Variants in FRMPD2 observed in about 807,000 individuals in gnomAD.
The protein encoded by FRMPD2 is FERM and PDZ domain-containing protein 2.
In FRMPD2, 96 loss-of-function variants were observed where a neutral mutation model predicts 140.1. The ratio of observed to expected loss-of-function variants is 0.69; its 90% CI spans 0.58 to 0.81. The LOEUF is 0.81. Ranked by LOEUF, FRMPD2 falls within the 40% of genes least tolerant of loss-of-function variation. FRMPD2 has a pLI of 0.00. For missense variants in FRMPD2, 1,240 were observed against 1,447.4 expected (o/e 0.86, Z 2.32); for synonymous variants, 449 against 547.6 (o/e 0.82, Z 2.52).
chr10:48,244,709 C>T, intron 4 of FRMPD2, 75 bp downstream of exon 4: 1 of 1,125,422 alleles, frequency 8.9e-7, no homozygotes, highest in South Asian at 1.2e-5. Context: ...TAAATGTGGT[C>T]CCTGCCCAGG....
chr10:48,197,291 T>C (rs756704408), intron 15 of FRMPD2, among the ~76,000 whole-genome samples: 3 of 152,080 alleles, frequency 2.0e-5, no homozygotes, highest in Non-Finnish European at 4.4e-5. Context: ...CCATTACTAC[T>C]CTCACACTGA....
chr10:48,183,614 G>T (rs1838601489), intron 20 of FRMPD2, among the ~76,000 whole-genome samples: 1 of 152,068 alleles, frequency 6.6e-6, no homozygotes, highest in Non-Finnish European at 1.5e-5. Flanking sequence ...ACTTTGGGAG[G>T]CTGAGGCGGG....
At chr10:48,200,474 C>A (rs2131861463) in intron 15 of FRMPD2, among the ~76,000 whole-genome samples, 1 of 152,326 alleles carries the variant, frequency 6.6e-6, no homozygotes, top group African/African-American at 2.4e-5. Flanking sequence ...AAGCCAAACC[C>A]TCTCTTTGTT....
In FRMPD2 at chr10:48,192,860, A is replaced by AT; in HGVS notation, c.1988_1989insA (p.Ser663ArgfsTer9). The AT allele has an allele frequency of 6.2e-7, 1 of 1,614,030 alleles. No individual in the cohort carries two copies. The highest frequency in any genetic ancestry group is 8.5e-7 in the Non-Finnish European group (1 of 1,180,008). On this transcript the variant is annotated frameshift_variant, in exon 16 of 29. Transcript: ENST00000374201. LOFTEE classifies it high-confidence loss of function. ...GCTTAGACCGGGCCTGGTGTGCAGG[A>AT]CTCAAATTGGCCATTTGCACAAACT...
At chr10:48,198,773 C>A (rs572444101) in intron 15 of FRMPD2, among the ~76,000 whole-genome samples, 2 of 152,198 alleles carry the variant, frequency 1.3e-5, no homozygotes, top group East Asian at 3.9e-4. Flanking sequence ...TTTTGTAGTT[C>A]TCTTTGTAGA....
In FRMPD2 at chr10:48,187,202, G is replaced by T. The variant is rs772165206; in HGVS notation, c.2256C>A (p.Ser752Arg). 6.2e-7 allele frequency: 1 copy of T among 1,612,614 alleles called. No homozygotes were observed. Among genetic ancestry groups the T allele is most frequent in the Non-Finnish European group, 8.5e-7 (1 of 1,178,690 alleles). The change falls in exon 17 of 29, where the codon AGC becomes AGA. Residue 752 changes from serine (S) to arginine (R), a missense_variant. Ser to Arg is a moderately radical substitution (Grantham distance 110, BLOSUM62 -1). This residue lies in a region of FRMPD2 where 1,161 missense variants were observed against 1,055.9 expected (regional missense o/e 1.10). Transcript: ENST00000374201. ...TGGCCTGGCCCATACCTGCATGCAT[G>T]CTCTGAACAGGTGGTCCAGAGAGAG... ...WDSLSGPPVQSMHAGSKNNRR... is the reference protein window; with the variant it reads ...WDSLSGPPVQRMHAGSKNNRR...
chr10:48,186,700 G>A (rs1235328794), intron 17 of FRMPD2, among the ~76,000 whole-genome samples: 1 of 152,118 alleles, frequency 6.6e-6, no homozygotes, highest in African/African-American at 2.4e-5. Flanking sequence ...GCGTGAAAAC[G>A]CACTAATACA....
chr10:48,213,339 G>A (rs1039122305), intron 12 of FRMPD2, among the ~76,000 whole-genome samples: 2 of 152,236 alleles, frequency 1.3e-5, no homozygotes, highest in African/African-American at 4.8e-5. Context: ...CCATGCTGGT[G>A]AGGATGTGGA....
chr10:48,228,717 CAA>C (rs1440939134), intron 10 of FRMPD2, among the ~76,000 whole-genome samples: 18 of 152,018 alleles, frequency 1.2e-4, no homozygotes, highest in African/African-American at 4.3e-4. Context: ...ATTCTGTACA[CAA>C]AGTGTACAAA....
At chr10:48,199,020 A>G (rs766590263) in intron 15 of FRMPD2, among the ~76,000 whole-genome samples, 1 of 152,224 alleles carries the variant, frequency 6.6e-6, no homozygotes, top group Non-Finnish European at 1.5e-5. Flanking sequence ...GTTCTTCCTT[A>G]TAAGCAGGAG....
At chr10:48,260,688 C>T (rs996159677) in intron 1 of FRMPD2, among the ~76,000 whole-genome samples, 1 of 152,162 alleles carries the variant, frequency 6.6e-6, no homozygotes, top group African/African-American at 2.4e-5. Context: ...CACTAAAGGT[C>T]TGTTTATCTC....
intron 2 of FRMPD2, among the ~76,000 whole-genome samples, chr10:48,250,153 T>G (rs572729870): frequency 6.6e-6 from 1 of 152,188 alleles, no homozygotes; most frequent in Non-Finnish European, 1.5e-5. Context: ...ACCTACACCC[T>G]AAAGGGTCGC....
Position 48,192,861 on chromosome 10 carries a change from C to T in FRMPD2, c.1988G>A (p.Ser663Asn). 1 of 1,614,038 alleles carries T rather than the reference C, an allele frequency of 6.2e-7. No homozygotes were observed. The highest frequency in any genetic ancestry group is 8.5e-7 in the Non-Finnish European group (1 of 1,180,008). ...HDKFVQMANL[S>N]PAHQARSKPL... ...CTTAGACCGGGCCTGGTGTGCAGGA[C>T]TCAAATTGGCCATTTGCACAAACTT... The change falls in exon 16 of 29, where the codon AGT (serine) becomes AAT (asparagine). Residue 663 changes from serine (S) to asparagine (N), a missense_variant. Ser to Asn is a conservative substitution (Grantham distance 46). This residue lies in a region of FRMPD2 where 1,161 missense variants were observed against 1,055.9 expected (regional missense o/e 1.10). Transcript: ENST00000374201.
chr10:48,223,732 C>T (rs1839662269), intron 10 of FRMPD2, among the ~76,000 whole-genome samples: 1 of 152,166 alleles, frequency 6.6e-6, no homozygotes, highest in Admixed American at 6.5e-5. Context: ...CCCTAACACC[C>T]AATCTGATGG....
intron 24 of FRMPD2, among the ~76,000 whole-genome samples, chr10:48,174,481 C>G (rs1314624114): frequency 6.6e-6 from 1 of 152,052 alleles, no homozygotes; most frequent in Non-Finnish European, 1.5e-5. Flanking sequence ...GTGGGGTCAT[C>G]CTATGCAAAC....
intron 13 of FRMPD2, among the ~76,000 whole-genome samples, chr10:48,209,511 T>C (rs185825295): frequency 5.3e-5 from 8 of 152,324 alleles, no homozygotes; most frequent in Middle Eastern, 3.4e-3. Context: ...CTCCCAATAA[T>C]GGTCTTCTCC....
At position 48,236,476 on chromosome 10, in the gene FRMPD2, A is replaced by G. The variant is rs771707630; in HGVS notation, c.993+6T>C. On this transcript the variant is annotated splice_donor_region_variant and intron_variant, in intron 9 of 28. Transcript: ENST00000374201. ...CCATCCCTGCCCAGTCTAGCCCAGT[A>G]GTTACCACAACCGATCCCGGCAGAT... 5.4e-5 allele frequency: 87 copies of G among 1,613,800 alleles called. No homozygotes were observed. The highest frequency in any genetic ancestry group is 7.0e-5 in the Non-Finnish European group (83 of 1,179,802).
chr10:48,256,851 T>C (rs865997838), intron 1 of FRMPD2, among the ~76,000 whole-genome samples: 24 of 152,340 alleles, frequency 1.6e-4, no homozygotes, highest in Admixed American at 3.3e-4. Context: ...CCTCTCATGG[T>C]CCCTGAAATG....
At chr10:48,191,269 C>T (rs1382283152) in intron 16 of FRMPD2, among the ~76,000 whole-genome samples, 1 of 152,172 alleles carries the variant, frequency 6.6e-6, no homozygotes, top group Non-Finnish European at 1.5e-5. Flanking sequence ...AGGAAGCAGC[C>T]TGTGAACAAA....
Sources: gnomAD v4.1 joint callset for allele counts (sites outside exome capture counted in the v4.1 genomes callset) on GRCh38, gnomAD v4.1.1 for gene constraint, gnomAD v4.1.1 regional missense constraint, MANE v1.5 for transcripts, NCBI Gene and HGNC (gene_info 2026-07-23, HGNC 2026-07-21) for gene names.